Variants in RNF6 observed in about 807,000 individuals in gnomAD.
RNF6 encodes E3 ubiquitin-protein ligase RNF6.
RNF6 carries 21 observed loss-of-function variants against 50.1 expected under a neutral mutation model. The observed-to-expected ratio is 0.42, with a 90% CI of 0.30 to 0.60. The LOEUF is 0.60. Ranked by LOEUF, RNF6 falls within the 20% of genes least tolerant of loss-of-function variation. The pLI is 0.20. For missense variants in RNF6, 698 were observed against 838.2 expected (o/e 0.83, Z 2.07); for synonymous variants, 255 against 291.8 (o/e 0.87, Z 1.29).
intron 5 of RNF6, among the ~76,000 whole-genome samples, chr13:26,164,235 T>A (rs1208754916): frequency 6.6e-6 from 1 of 152,178 alleles, no homozygotes; most frequent in Non-Finnish European, 1.5e-5. Context: ...TCTGGAAAAA[T>A]TTTGGCCATT....
intron 5 of RNF6, among the ~76,000 whole-genome samples, chr13:26,204,067 G>T (rs1367714359): frequency 1.3e-5 from 2 of 152,182 alleles, no homozygotes; most frequent in African/African-American, 2.4e-5. Context: ...CAGCCTGGAG[G>T]TTCTCCTCAC....
chr13:26,152,282 C>T (rs1471742469), intron 5 of RNF6, among the ~76,000 whole-genome samples: 2 of 152,166 alleles, frequency 1.3e-5, no homozygotes, highest in Non-Finnish European at 2.9e-5. Flanking sequence ...CCCTTGGTTC[C>T]TAGTTCTCTC....
intron 5 of RNF6, among the ~76,000 whole-genome samples, chr13:26,196,822 C>A (rs1243746249): frequency 6.6e-6 from 1 of 151,860 alleles, no homozygotes; most frequent in African/African-American, 2.4e-5. Flanking sequence ...ATATACAAGG[C>A]TGCATCCCTC....
At position 26,214,507 on chromosome 13, in the gene RNF6, T is replaced by C. The variant is rs758763352; in HGVS notation, c.1375A>G (p.Thr459Ala). ...ATCCTACGAAGAGGAACTGTTATGGTACTAACATAGGTTCGAATACCTGAC... is the reference window on the plus strand; with the variant it reads ...ATCCTACGAAGAGGAACTGTTATGGCACTAACATAGGTTCGAATACCTGAC... ...ERSGIRTYVSTITVPLRRISE... is the reference protein window; with the variant it reads ...ERSGIRTYVSAITVPLRRISE... The change falls in exon 5 of 5, where the codon ACC (threonine) becomes GCC (alanine). Residue 459 changes from threonine (T) to alanine (A), a missense_variant. Transcript: ENST00000381588. The C allele has an allele frequency of 8.1e-6, 13 of 1,614,138 alleles. No homozygotes were observed. Among genetic ancestry groups the C allele is most frequent in the Middle Eastern group, 3.3e-4 (2 of 6,062 alleles).
chr13:26,219,080 G>A (rs1593201370), intron 3 of RNF6, among the ~76,000 whole-genome samples: 1 of 151,974 alleles, frequency 6.6e-6, no homozygotes, highest in Non-Finnish European at 1.5e-5. Context: ...GGCTTTGGGG[G>A]GAGCTATTAA....
At chr13:26,185,573 C>T (rs574462716) in intron 5 of RNF6, among the ~76,000 whole-genome samples, 1 of 152,088 alleles carries the variant, frequency 6.6e-6, no homozygotes, top group East Asian at 1.9e-4. Context: ...GGTGAAACCC[C>T]GTCTCTACTA....
intron 4 of RNF6, among the ~76,000 whole-genome samples, chr13:26,218,117 T>A (rs376868332): frequency 4.7e-4 from 72 of 152,328 alleles, no homozygotes; most frequent in African/African-American, 1.7e-3. Context: ...ATGTAAACCA[T>A]CAAACAGAAC....
At chr13:26,185,005 TTGAC>T (rs1412995896) in intron 5 of RNF6, among the ~76,000 whole-genome samples, 2 of 151,934 alleles carry the variant, frequency 1.3e-5, no homozygotes, top group Non-Finnish European at 2.9e-5. Flanking sequence ...GATTGATTGA[TTGAC>T]TATTAAGACA....
In RNF6 at chr13:26,214,189, T is replaced by C; in HGVS notation, c.1693A>G (p.Ser565Gly). 2 of 1,614,212 alleles carry C rather than the reference T, an allele frequency of 1.2e-6. No homozygotes were observed. Among genetic ancestry groups the C allele is most frequent in the Non-Finnish European group, 1.7e-6 (2 of 1,180,042 alleles). ...TTQPHTRNSDSRGGRQLRNPN... is the reference protein window; with the variant it reads ...TTQPHTRNSDGRGGRQLRNPN... ...TTTCGCAACTGCCTGCCACCCCTAC[T>C]GTCACTGTTTCGAGTATGAGGCTGG... Residue 565 changes from serine to glycine, a missense_variant, in exon 5 of 5, where the codon AGT becomes GGT. Coordinates refer to ENST00000381588, the MANE Select transcript of RNF6 (RefSeq NM_005977.4).
In RNF6 at chr13:26,214,223, G is replaced by A. The variant is rs143340915; in HGVS notation, c.1659C>T (p.Asn553=). The change falls in exon 5 of 5, where the codon AAC becomes AAT. Residue 553 remains asparagine (N), a synonymous_variant. Transcript: ENST00000381588. The stretch of plus-strand genomic sequence containing the variant: ...TTCGAGTATGAGGCTGGGTGGTCTC[G>A]TTTTCACCATGCATTTCAGTGCTGT... ...QGDSTEMHGE[N]ETTQPHTRNS... is the part of the protein sequence containing the mutation. 6.8e-5 allele frequency: 110 copies of A among 1,614,132 alleles called. No individual in the cohort carries two copies. The highest frequency in any genetic ancestry group is 3.0e-4 in the Admixed American group (18 of 60,018).
intron 5 of RNF6, among the ~76,000 whole-genome samples, chr13:26,159,297 A>T (rs1872088567): frequency 6.6e-6 from 1 of 152,154 alleles, no homozygotes; most frequent in African/African-American, 2.4e-5. Flanking sequence ...TAGTTATAGG[A>T]TTATTTGGTA....
At chr13:26,157,912 A>C (rs1223745674) in intron 5 of RNF6, among the ~76,000 whole-genome samples, 3 of 151,696 alleles carry the variant, frequency 2.0e-5, no homozygotes, top group African/African-American at 7.3e-5. Flanking sequence ...GGATGGATGG[A>C]TGGATGGATG....
At chr13:26,150,626 T>C (rs1420658332) in intron 5 of RNF6, among the ~76,000 whole-genome samples, 2 of 152,102 alleles carry the variant, frequency 1.3e-5, no homozygotes, top group Non-Finnish European at 2.9e-5. Context: ...CTCAGATATA[T>C]AAGCCAGAGT....
intron 5 of RNF6, among the ~76,000 whole-genome samples, chr13:26,195,813 T>C (rs1021227934): frequency 2.0e-5 from 3 of 152,034 alleles, no homozygotes; most frequent in African/African-American, 4.8e-5. Context: ...CACACACACA[T>C]ACATACAATT....
At chr13:26,145,901 G>A (rs146624442) in intron 5 of RNF6, among the ~76,000 whole-genome samples, 129 of 152,326 alleles carry the variant, frequency 8.5e-4, no homozygotes, top group Middle Eastern at 3.4e-3. Flanking sequence ...GATTTTTCCA[G>A]CTGCTTGTGT....
In RNF6 at chr13:26,213,220, A is replaced by G. The variant is rs1374981756; in HGVS notation, c.*604T>C. 6.6e-6 allele frequency: 1 copy of G among 152,632 alleles called. No individual in the cohort carries two copies. Among genetic ancestry groups the G allele is most frequent in the Non-Finnish European group, 1.5e-5 (1 of 68,020 alleles). The allele number at this position is 152,632 out of a possible 1,614,324, so 9.5% of individuals were successfully genotyped here. A position where few individuals can be genotyped will look rare whatever the true frequency, so the allele number is the denominator to read the frequency against. On this transcript the variant is annotated 3_prime_UTR_variant, in exon 5 of 5. Transcript: ENST00000381588. ...ACTTGCCAATATTAAACATTGTGCC[A>G]TATGCAGTATTAGCCCAAAAGCTTA...
At chr13:26,157,960 T>TAGAC (rs34400633) in intron 5 of RNF6, among the ~76,000 whole-genome samples, 11,420 of 63,734 alleles carry the variant, frequency 0.18, 598 homozygotes, top group Non-Finnish European at 0.23. Context: ...AGCTAGAAGA[T>TAGAC]AGATAGATAG....
intron 5 of RNF6, among the ~76,000 whole-genome samples, chr13:26,151,366 G>T (rs1165702921): frequency 6.6e-6 from 1 of 151,938 alleles, no homozygotes; most frequent in South Asian, 2.1e-4. Flanking sequence ...AGGTTCAAGC[G>T]GTTCTCCTGC....
At chr13:26,188,284 A>G (rs1322631538) in intron 5 of RNF6, among the ~76,000 whole-genome samples, 3 of 152,160 alleles carry the variant, frequency 2.0e-5, no homozygotes, top group African/African-American at 7.2e-5. Flanking sequence ...AAGGGAGGCA[A>G]TTATAACAAT....
Sources: gnomAD v4.1 joint callset for allele counts (sites outside exome capture counted in the v4.1 genomes callset) on GRCh38, gnomAD v4.1.1 for gene constraint, MANE v1.5 for transcripts, NCBI Gene and HGNC (gene_info 2026-07-23, HGNC 2026-07-21) for gene names.